LRRC7: variants seen among roughly 807,000 people sequenced by gnomAD.
The protein encoded by LRRC7 is leucine rich repeat containing 7, also known as leucine-rich repeat-containing protein 7.
In LRRC7, 23 loss-of-function variants were observed where a neutral mutation model predicts 175.7. The ratio of observed to expected loss-of-function variants is 0.13; its 90% confidence interval spans 0.09 to 0.19. LRRC7 has a LOEUF of 0.19. LRRC7 is among the 10% of genes least tolerant of loss of function. The pLI is 1.00. For synonymous variants in LRRC7, 685 were observed against 680.9 expected (o/e 1.01, Z -0.09); for missense variants, 1,354 against 1,904.7 (o/e 0.71, Z 5.38).
intron 14 of LRRC7, 47 bp downstream of exon 14, chr1:70,016,581 T>C: frequency 7.1e-7 from 1 of 1,406,918 alleles, no homozygotes; most frequent in Non-Finnish European, 9.6e-7. Flanking sequence ...GAACTATAAT[T>C]GAAAGTTTGA....
chr1:70,021,655 C>A lies in LRRC7; in HGVS notation c.1545+526C>A, dbSNP rs1046310315. Among the ~76,000 whole-genome samples, 4 of 152,216 alleles carry A rather than the reference C, an allele frequency of 2.6e-5. No homozygotes were observed. In the East Asian group the frequency reaches 7.7e-4, roughly 29 times the overall value. ...GAACAAATTTTAAGGAAGATTAGTG[C>A]CTAATGGCAGGTGATGTTCCTTAGG... On this transcript the variant is annotated intron_variant, in intron 16 of 26. Coordinates refer to ENST00000651989, the MANE Select transcript of LRRC7 (RefSeq NM_001370785.2).
intron 17 of LRRC7, among the ~76,000 whole-genome samples, chr1:70,023,579 A>G (rs1387745385): frequency 6.6e-6 from 1 of 151,880 alleles, no homozygotes; most frequent in Non-Finnish European, 1.5e-5. Context: ...AGGGGAGGGA[A>G]TATCAATGTG....
intron 17 of LRRC7, among the ~76,000 whole-genome samples, chr1:70,025,838 G>C (rs978755836): frequency 1.0e-4 from 15 of 144,512 alleles, no homozygotes; most frequent in Admixed American, 9.7e-4. Context: ...TTAAGGGGGG[G>C]GGGGTCCTCT....
intron 9 of LRRC7, among the ~76,000 whole-genome samples, chr1:69,983,197 A>C (rs1346089275): frequency 6.6e-6 from 1 of 152,202 alleles, no homozygotes; most frequent in African/African-American, 2.4e-5. Flanking sequence ...GCATGAGGAG[A>C]AACTCTGACT....
At chr1:69,969,679 G>A (rs1652026979) in intron 8 of LRRC7, among the ~76,000 whole-genome samples, 1 of 152,092 alleles carries the variant, frequency 6.6e-6, no homozygotes, top group Admixed American at 6.5e-5. Flanking sequence ...CACAATAATA[G>A]TGGGGGACTT....
At chr1:69,833,404 T>C (rs768331804) in intron 5 of LRRC7, among the ~76,000 whole-genome samples, 3 of 151,912 alleles carry the variant, frequency 2.0e-5, no homozygotes, top group Non-Finnish European at 2.9e-5. Flanking sequence ...GTGGGGCAAA[T>C]AGGAAGATGT....
At chr1:69,833,051 G>A (rs940110169) in intron 5 of LRRC7, among the ~76,000 whole-genome samples, 4 of 150,154 alleles carry the variant, frequency 2.7e-5, no homozygotes, top group Admixed American at 2.0e-4. Flanking sequence ...GTTGCAGTGA[G>A]CCGAGATTGC....
chr1:69,827,195 A>C (rs1171582911), intron 5 of LRRC7, among the ~76,000 whole-genome samples: 1 of 152,188 alleles, frequency 6.6e-6, no homozygotes, highest in Non-Finnish European at 1.5e-5. Context: ...CCAGGACTAC[A>C]GTCATGTCCT....
In LRRC7 at chr1:69,919,463, G is replaced by T; in HGVS notation, c.648-12044G>T. ...ATCACTAACCCCAGCCAGTGGGAGC[G>T]GCCCAGCGGGAACAGCAGCAGTGGC... is the stretch of plus-strand genomic sequence containing the variant. On this transcript the variant is annotated intron_variant, in intron 7 of 26. Coordinates refer to ENST00000651989, the MANE Select transcript of LRRC7 (RefSeq NM_001370785.2). 6.0e-6 allele frequency: 6 copies of T among 992,656 alleles called. No individual in the cohort carries two copies. In the South Asian group the frequency reaches 8.4e-5, roughly 14 times the overall value. 61.5% of individuals were successfully genotyped at this position (992,656 alleles called of 1,614,324 possible).
chr1:70,116,949 G>C (rs74616461), intron 26 of LRRC7, among the ~76,000 whole-genome samples: 1 of 152,076 alleles, frequency 6.6e-6, no homozygotes, highest in Non-Finnish European at 1.5e-5. Flanking sequence ...CACCATGAAG[G>C]CTTGCTCTTA....
At chr1:69,854,904 G>C (rs775787390) in intron 7 of LRRC7, among the ~76,000 whole-genome samples, 15 of 152,138 alleles carry the variant, frequency 9.9e-5, no homozygotes, top group Middle Eastern at 3.4e-3. Flanking sequence ...TGGCGAAGTG[G>C]GGGGGACCTG....
Position 70,076,125 on chromosome 1 carries a change from C to T in LRRC7, c.4279C>T (p.Arg1427Cys), listed in dbSNP as rs752431101. The part of the protein sequence containing the change: ...TLMGSQSLQH[R>C]SREQQPYEGN... Reference sequence around the variant, plus strand: ...GATGGGGTCCCAAAGCCTTCAGCATCGCAGCCGGGAGCAGCAGCCGTATGA... The same window carrying T: ...GATGGGGTCCCAAAGCCTTCAGCATTGCAGCCGGGAGCAGCAGCCGTATGA... Residue 1427 changes from arginine to cysteine, a missense_variant, in exon 24 of 27, where the codon CGC becomes TGC. Arg to Cys is a radical substitution (Grantham distance 180, BLOSUM62 -3). Coordinates refer to ENST00000651989, the MANE Select transcript of LRRC7 (RefSeq NM_001370785.2). 4 of 1,613,982 alleles carry T rather than the reference C, an allele frequency of 2.5e-6. No homozygotes were observed. The highest frequency in any genetic ancestry group is 2.2e-5 in the East Asian group (1 of 44,870).
chr1:69,717,488 A>G (rs1204215870), intron 2 of LRRC7, among the ~76,000 whole-genome samples: 12 of 151,692 alleles, frequency 7.9e-5, no homozygotes, highest in Non-Finnish European at 1.6e-4. Context: ...GAGATGAAAA[A>G]CATTTTTATA....
At chr1:70,103,798 A>G (rs563181638) in intron 25 of LRRC7, among the ~76,000 whole-genome samples, 1 of 152,148 alleles carries the variant, frequency 6.6e-6, no homozygotes, top group East Asian at 1.9e-4. Context: ...ATGGTATGTA[A>G]ATTAAACTTG....
intron 4 of LRRC7, among the ~76,000 whole-genome samples, chr1:69,796,377 G>A (rs1357425558): frequency 6.6e-6 from 1 of 151,836 alleles, no homozygotes; most frequent in Non-Finnish European, 1.5e-5. Context: ...AATGCATCAA[G>A]CTGGTTGCTT....
Position 70,017,153 on chromosome 1 carries a change from T to C in LRRC7, c.1320+619T>C, listed in dbSNP as rs564981796. 4.0e-5 allele frequency among the ~76,000 whole-genome samples: 6 copies of C among 151,556 alleles called. No individual in the cohort carries two copies. In the South Asian group the frequency reaches 1.2e-3, roughly 32 times the overall value. ...TTAGCCCAGCACGGCAGCATGCCTGTAATCCCAGCTACTCGGGAGGCTGAG... is the reference window on the plus strand; with the variant it reads ...TTAGCCCAGCACGGCAGCATGCCTGCAATCCCAGCTACTCGGGAGGCTGAG... On this transcript the variant is annotated intron_variant, in intron 14 of 26. Coordinates refer to ENST00000651989, the MANE Select transcript of LRRC7 (RefSeq NM_001370785.2).
intron 4 of LRRC7, among the ~76,000 whole-genome samples, chr1:69,808,280 A>C (rs1255347514): frequency 6.6e-6 from 1 of 151,862 alleles, no homozygotes; most frequent in Non-Finnish European, 1.5e-5. Flanking sequence ...AGAAACCTAC[A>C]CAGAGACATA....
chr1:69,797,913 TTTTGTTTG>T (rs567826773), intron 4 of LRRC7, among the ~76,000 whole-genome samples: 2 of 152,084 alleles, frequency 1.3e-5, no homozygotes, highest in African/African-American at 2.4e-5. Flanking sequence ...ACTTTGTTTT[TTTTGTTTG>T]TTTGTTTGTT....
chr1:69,697,645 A>G (rs753597917), intron 2 of LRRC7, among the ~76,000 whole-genome samples: 1 of 152,218 alleles, frequency 6.6e-6, no homozygotes, highest in Non-Finnish European at 1.5e-5. Context: ...CTATTTGCTT[A>G]GGAATAAAAC....
Sources: allele counts gnomAD v4.1 joint callset (sites outside exome capture counted in the v4.1 genomes callset), GRCh38; gene constraint gnomAD v4.1.1; transcripts MANE v1.5; gene names NCBI Gene and HGNC (gene_info 2026-07-23, HGNC 2026-07-21).